PPFIA1: variants seen among roughly 807,000 people sequenced by gnomAD.
PPFIA1 encodes PPFI scaffold protein A1.
In PPFIA1, 25 loss-of-function variants were observed where a neutral mutation model predicts 149.9. That is an observed-to-expected ratio of 0.17 (90% CI 0.12 to 0.23). The LOEUF (loss-of-function observed/expected upper bound fraction) is 0.23. PPFIA1 is among the 10% of genes least tolerant of loss of function. The probability of loss-of-function intolerance (pLI) is 1.00; values close to 1 mark genes in which losing one functional copy is unlikely to be tolerated. For synonymous variants in PPFIA1, 549 were observed against 552.8 expected, an observed-to-expected ratio of 0.99 and a Z score of 0.10; for missense variants, 1,362 against 1,506.5, an observed-to-expected ratio of 0.90 and a Z score of 1.59.
intron 2 of PPFIA1, among the ~76,000 whole-genome samples, chr11:70,301,311 CAG>C (rs2052474401): frequency 6.6e-6 from 1 of 152,212 alleles, no homozygotes; most frequent in Non-Finnish European, 1.5e-5. Context: ...GCCCCCAACA[CAG>C]GGAAGATGGA....
chr11:70,301,884 C>T (rs772514488), intron 2 of PPFIA1, among the ~76,000 whole-genome samples: 2 of 152,234 alleles, frequency 1.3e-5, no homozygotes, highest in Non-Finnish European at 2.9e-5. Flanking sequence ...ACGGGACCAC[C>T]GTGCAGTAAT....
At chr11:70,344,867 A>T (rs2055589135) in intron 15 of PPFIA1, among the ~76,000 whole-genome samples, 1 of 152,240 alleles carries the variant, frequency 6.6e-6, no homozygotes, top group South Asian at 2.1e-4. Context: ...CAGTGGCTTA[A>T]AACAGTGAAC....
At chr11:70,369,775 A>G (rs1203448268) in intron 21 of PPFIA1, among the ~76,000 whole-genome samples, 1 of 152,050 alleles carries the variant, frequency 6.6e-6, no homozygotes, top group East Asian at 1.9e-4. Flanking sequence ...TGTCTATTGA[A>G]TCTATATTGA....
At chr11:70,378,433 A>C (rs915206429) in intron 26 of PPFIA1, 17 of 1,252,972 alleles carry the variant, frequency 1.4e-5, no homozygotes, top group Non-Finnish European at 1.7e-5. Context: ...TATTTTTCCA[A>C]CTAATAAAGC....
chr11:70,280,107 C>T (rs1029467626), intron 2 of PPFIA1, among the ~76,000 whole-genome samples: 1 of 152,024 alleles, frequency 6.6e-6, no homozygotes, highest in Middle Eastern at 3.4e-3. Flanking sequence ...GGGGTTTTGC[C>T]ATGTTGCACA....
At chr11:70,307,193 C>T (rs2052909201) in intron 2 of PPFIA1, among the ~76,000 whole-genome samples, 3 of 152,190 alleles carry the variant, frequency 2.0e-5, no homozygotes, top group Non-Finnish European at 4.4e-5. Context: ...TACAAATTCC[C>T]TTTGACCCAG....
intron 21 of PPFIA1, chr11:70,365,542 C>T (rs537499461): frequency 6.9e-5 from 29 of 421,800 alleles, no homozygotes; most frequent in South Asian, 3.7e-4. Context: ...TCCATTCAGT[C>T]GTTCCAGATA....
At chr11:70,306,311 C>G (rs1196592818) in intron 2 of PPFIA1, among the ~76,000 whole-genome samples, 1 of 151,988 alleles carries the variant, frequency 6.6e-6, no homozygotes, top group Non-Finnish European at 1.5e-5. Context: ...ATTAAATACA[C>G]TGTAATTTAT....
chr11:70,320,991 C>G (rs574203121), intron 2 of PPFIA1, among the ~76,000 whole-genome samples: 1 of 152,292 alleles, frequency 6.6e-6, no homozygotes, highest in African/African-American at 2.4e-5. Flanking sequence ...GCAACAACCA[C>G]AGAACACTAG....
At chr11:70,351,479 G>A (rs2056052845) in intron 16 of PPFIA1, among the ~76,000 whole-genome samples, 1 of 152,076 alleles carries the variant, frequency 6.6e-6, no homozygotes, top group Non-Finnish European at 1.5e-5. Flanking sequence ...AGGGCCAGAG[G>A]TATTTCAGAT....
intron 19 of PPFIA1, among the ~76,000 whole-genome samples, chr11:70,359,156 G>A (rs924754775): frequency 2.0e-5 from 3 of 152,150 alleles, no homozygotes; most frequent in Admixed American, 6.5e-5. Context: ...GTGCAGTGGC[G>A]CGTTCACCAC....
At chr11:70,324,238 A>C (rs982401383) in intron 2 of PPFIA1, among the ~76,000 whole-genome samples, 164 bp from the exon 3 acceptor site, 3 of 152,120 alleles carry the variant, frequency 2.0e-5, no homozygotes, top group African/African-American at 7.2e-5. Context: ...TTGTTAGGGA[A>C]TCTGTGTGGT....
chr11:70,274,640 C>T (rs2050277267), intron 2 of PPFIA1, among the ~76,000 whole-genome samples: 1 of 152,220 alleles, frequency 6.6e-6, no homozygotes, highest in Non-Finnish European at 1.5e-5. Context: ...ATTCTTTCTA[C>T]TGCTCACAGA....
intron 16 of PPFIA1, 53 bp from the exon 17 acceptor site, chr11:70,354,248 T>G: frequency 6.5e-7 from 1 of 1,541,558 alleles, no homozygotes; most frequent in Non-Finnish European, 8.8e-7. Context: ...ATTTAAGGCC[T>G]GAGTTTTTCA....
intron 13 of PPFIA1, among the ~76,000 whole-genome samples, 198 bp from the exon 14 acceptor site, chr11:70,338,973 C>G (rs113701088): frequency 2.0e-5 from 3 of 152,364 alleles, no homozygotes; most frequent in African/African-American, 4.8e-5. Context: ...AGCTTTCTAC[C>G]TGGTAGGGCT....
At position 70,326,647 on chromosome 11, in the gene PPFIA1, T is replaced by C; in HGVS notation, c.759T>C (p.Ile253=). 1 of 1,614,174 alleles carries C rather than the reference T, an allele frequency of 6.2e-7. No homozygotes were observed. Among genetic ancestry groups the C allele is most frequent in the Non-Finnish European group, 8.5e-7 (1 of 1,180,036 alleles). ...LSHEEDLAKV[I]ELQEIISKQS... The stretch of plus-strand genomic sequence containing the variant: ...ACGAGGAAGACCTTGCTAAAGTAAT[T>C]GAGCTCCAAGAAATCATAAGTAAGC... Residue 253 remains isoleucine, a synonymous_variant, in exon 7 of 28, where the codon ATT becomes ATC. Coordinates refer to ENST00000253925, the MANE Select transcript of PPFIA1 (RefSeq NM_003626.5).
At chr11:70,331,422 C>T (rs1316552563) in intron 8 of PPFIA1, among the ~76,000 whole-genome samples, 1 of 151,734 alleles carries the variant, frequency 6.6e-6, no homozygotes, top group Non-Finnish European at 1.5e-5. Context: ...AACACTTTGA[C>T]AAGAGGTGTT....
At chr11:70,350,277 G>A (rs1213356097) in intron 16 of PPFIA1, among the ~76,000 whole-genome samples, 1 of 152,122 alleles carries the variant, frequency 6.6e-6, no homozygotes, top group African/African-American at 2.4e-5. Context: ...TAATCTAAGC[G>A]TAGAATTAAT....
In PPFIA1 at chr11:70,355,762, G is replaced by A. The variant is rs1456630727; in HGVS notation, c.2439G>A (p.Lys813=). ...CCTCCATTGGCCGCTTGTTTGGCAA[G>A]AAAGAAAAGGGCCGACCTGGACAAA... ...IKSSIGRLFG[K]KEKGRPGQTG... The change falls in exon 18 of 28, where the codon AAG becomes AAA. Residue 813 remains lysine, a synonymous_variant. Transcript: ENST00000253925. 6.2e-7 allele frequency: 1 copy of A among 1,613,964 alleles called. No homozygotes were observed. The highest frequency in any genetic ancestry group is 8.5e-7 in the Non-Finnish European group (1 of 1,179,990).
Sources: allele counts gnomAD v4.1 joint callset (sites outside exome capture counted in the v4.1 genomes callset), GRCh38; gene constraint gnomAD v4.1.1; transcripts MANE v1.5; gene names NCBI Gene and HGNC (gene_info 2026-07-23, HGNC 2026-07-21).